Variants in CACNA1E observed in about 807,000 individuals in gnomAD.
The protein encoded by CACNA1E is calcium voltage-gated channel subunit alpha1 E, also known as voltage-dependent R-type calcium channel subunit alpha-1E.
CACNA1E carries 40 observed loss-of-function variants against 259.2 expected under a neutral mutation model. The observed-to-expected ratio is 0.15, with a 90% CI of 0.12 to 0.20. The LOEUF is 0.20. Ranked by LOEUF, CACNA1E falls within the 10% of genes least tolerant of loss-of-function variation. CACNA1E has a pLI of 1.00. For missense variants in CACNA1E, 1,874 were observed against 3,040.1 expected (o/e 0.62, Z 9.02); for synonymous variants, 1,104 against 1,138.5 (o/e 0.97, Z 0.61).
rs766419667 is a variant in CACNA1E, at chr1:181,485,224, T to G, written c.266+1214T>G. Among the ~76,000 whole-genome samples the G allele has an allele frequency of 6.6e-6, 1 of 152,108 alleles. No homozygotes were observed. The highest frequency in any genetic ancestry group is 1.5e-5 in the Non-Finnish European group (1 of 68,010). On this transcript the variant is annotated intron_variant, in intron 1 of 47. Transcript: ENST00000367573. This position sits in a 1 kb window ranked among gnomAD's most constrained non-coding sequence, Gnocchi z 4.2. ...TTCTCCCTCTTTCCCACCCCCACCG[T>G]CCAGGTGTGCAGCAGTGAGGCAGCT...
chr1:181,528,022 A>T (rs1279662580), intron 3 of CACNA1E, among the ~76,000 whole-genome samples: 3 of 151,642 alleles, frequency 2.0e-5, no homozygotes, highest in African/African-American at 7.3e-5. Flanking sequence ...GGTGAAGACC[A>T]TTTTTTATCT....
chr1:181,726,818 G>T (rs1654949330), intron 18 of CACNA1E, among the ~76,000 whole-genome samples: 1 of 152,108 alleles, frequency 6.6e-6, no homozygotes, highest in Admixed American at 6.6e-5. Flanking sequence ...TAGGTGAGAG[G>T]TAATGGGGGT....
intron 1 of CACNA1E, among the ~76,000 whole-genome samples, chr1:181,360,716 T>C (rs1234050720): frequency 6.6e-6 from 1 of 152,230 alleles, no homozygotes; most frequent in Non-Finnish European, 1.5e-5. Context: ...TTGTACACTT[T>C]AAGGTGGTGA....
chr1:181,523,509 CTT>C (rs1667138295), intron 3 of CACNA1E, among the ~76,000 whole-genome samples: 1 of 152,122 alleles, frequency 6.6e-6, no homozygotes, highest in African/African-American at 2.4e-5. Context: ...GAATTCATAT[CTT>C]TGCTCTACTG....
intron 2 of CACNA1E, among the ~76,000 whole-genome samples, chr1:181,472,993 T>A (rs1175606448): frequency 6.6e-6 from 1 of 152,052 alleles, no homozygotes; most frequent in Non-Finnish European, 1.5e-5. Context: ...ATTCGCTGAG[T>A]CCTTTAGTGG....
intron 2 of CACNA1E, among the ~76,000 whole-genome samples, chr1:181,431,359 C>T (rs1393909253): frequency 3.9e-5 from 6 of 152,150 alleles, no homozygotes; most frequent in Admixed American, 1.3e-4. Flanking sequence ...TTTGAAGACA[C>T]CCACAGCTCT....
intron 6 of CACNA1E, among the ~76,000 whole-genome samples, chr1:181,646,896 A>G (rs1658317479): frequency 6.6e-6 from 1 of 152,262 alleles, no homozygotes; most frequent in South Asian, 2.1e-4. Flanking sequence ...CCACAATGTC[A>G]GGACTGGTAC....
In CACNA1E at chr1:181,377,980, T is replaced by C. The variant is rs138507105; in HGVS notation, c.-14-35153T>C. On this transcript the variant is annotated intron_variant, in intron 1 of 11. Coordinates refer to the CACNA1E transcript ENST00000524607. ...ATAGACATAAATAAAATGCACATAG[T>C]TTTGTCCTTCATCATTTAGTTAATC... Among the ~76,000 whole-genome samples the C allele has an allele frequency of 3.3e-3, 500 of 152,354 alleles. 2 individuals are homozygous for C. Among genetic ancestry groups the C allele is most frequent in the African/African-American group, 0.011 (474 of 41,584 alleles).
intron 1 of CACNA1E, among the ~76,000 whole-genome samples, chr1:181,406,744 A>T (rs1657492951): frequency 6.6e-6 from 1 of 152,176 alleles, no homozygotes; most frequent in East Asian, 1.9e-4. Flanking sequence ...AAGGCTATGT[A>T]ATTTGCCGAG....
chr1:181,772,961 C>G (rs1365807657), intron 37 of CACNA1E, among the ~76,000 whole-genome samples: 1 of 152,150 alleles, frequency 6.6e-6, no homozygotes, highest in Admixed American at 6.5e-5. Flanking sequence ...CCCTGCATAT[C>G]AGACAAGCAG....
At chr1:181,437,116 A>G (rs980025631) in intron 2 of CACNA1E, among the ~76,000 whole-genome samples, 1 of 152,216 alleles carries the variant, frequency 6.6e-6, no homozygotes, top group Admixed American at 6.5e-5. Flanking sequence ...TTCTCTGTGC[A>G]CTTGCCAGAG....
intron 1 of CACNA1E, among the ~76,000 whole-genome samples, chr1:181,331,772 A>G (rs1651282132): frequency 6.6e-6 from 1 of 152,182 alleles, no homozygotes; most frequent in African/African-American, 2.4e-5. Flanking sequence ...CATTAAGATA[A>G]TGAAACAGTT....
chr1:181,554,165 C>A (rs933926179), intron 3 of CACNA1E, among the ~76,000 whole-genome samples: 1 of 152,074 alleles, frequency 6.6e-6, no homozygotes, highest in African/African-American at 2.4e-5. Context: ...TTCCACTATG[C>A]CCAGCTAATT....
chr1:181,455,676 G>A (rs1661419051), intron 2 of CACNA1E, among the ~76,000 whole-genome samples: 1 of 152,154 alleles, frequency 6.6e-6, no homozygotes, highest in East Asian at 1.9e-4. Context: ...TCAAAAACAG[G>A]CATACAAGAG....
At chr1:181,352,093 A>G (rs1653084759) in intron 1 of CACNA1E, among the ~76,000 whole-genome samples, 1 of 152,208 alleles carries the variant, frequency 6.6e-6, no homozygotes, top group African/African-American at 2.4e-5. Flanking sequence ...GCTGGAGGTG[A>G]CAGGCCTATA....
At chr1:181,504,019 C>T (rs757159347) in intron 1 of CACNA1E, among the ~76,000 whole-genome samples, 1 of 152,168 alleles carries the variant, frequency 6.6e-6, no homozygotes, top group African/African-American at 2.4e-5. Context: ...AGTTAAGGCT[C>T]TTTCTCTGTT....
At chr1:181,362,072 A>C (rs997395920) in intron 1 of CACNA1E, among the ~76,000 whole-genome samples, 1 of 152,174 alleles carries the variant, frequency 6.6e-6, no homozygotes, top group Non-Finnish European at 1.5e-5. Context: ...TACCTCCTTC[A>C]TAGGACTATT....
intron 25 of CACNA1E, 137 bp downstream of exon 25, chr1:181,739,390 C>A: frequency 1.5e-6 from 1 of 684,164 alleles, no homozygotes; most frequent in South Asian, 1.7e-5. Context: ...GCTCCCCAGT[C>A]GCCCCCAGCA....
intron 2 of CACNA1E, among the ~76,000 whole-genome samples, chr1:181,428,903 C>T (rs945234750): frequency 2.2e-4 from 34 of 152,050 alleles, no homozygotes; most frequent in African/African-American, 7.5e-4. Flanking sequence ...TAAAGGAGGC[C>T]GGGTGCGGTG....
Sources: allele counts gnomAD v4.1 joint callset (sites outside exome capture counted in the v4.1 genomes callset), GRCh38; gene constraint gnomAD v4.1.1; non-coding constraint Gnocchi (gnomAD v3.1); transcripts MANE v1.5; gene names NCBI Gene and HGNC (gene_info 2026-07-23, HGNC 2026-07-21).